Variants in DCC observed in about 807,000 individuals in gnomAD.
DCC encodes netrin receptor DCC.
In DCC, 58 loss-of-function variants were observed where a neutral mutation model predicts 172.5. That is an observed-to-expected ratio of 0.34 (90% CI 0.27 to 0.42). DCC has a LOEUF of 0.42. Ranked by LOEUF, DCC falls within the 10% of genes least tolerant of loss-of-function variation. The pLI, the probability that DCC is intolerant of heterozygous loss-of-function variation, is 1.00. For synonymous variants in DCC, 709 were observed against 644.5 expected, an observed-to-expected ratio of 1.10 and a Z score of -1.52; for missense variants, 1,740 against 1,791.0, an observed-to-expected ratio of 0.97 and a Z score of 0.51.
chr18:52,462,613 C>G (rs1988666863), intron 1 of DCC, among the ~76,000 whole-genome samples: 1 of 152,172 alleles, frequency 6.6e-6, no homozygotes, highest in African/African-American at 2.4e-5. Context: ...CTACAATCCT[C>G]TCCCAGATAC....
intron 2 of DCC, among the ~76,000 whole-genome samples, chr18:52,778,834 T>G (rs1392659868): frequency 6.6e-6 from 1 of 152,230 alleles, no homozygotes; most frequent in African/African-American, 2.4e-5. Flanking sequence ...CAAATACACA[T>G]GGGCATTGTA....
chr18:52,958,499 G>A (rs2145563187), intron 5 of DCC, among the ~76,000 whole-genome samples: 1 of 152,094 alleles, frequency 6.6e-6, no homozygotes, highest in Middle Eastern at 3.4e-3. Context: ...AATTTTCAAG[G>A]GTGGTTAAGA....
chr18:53,519,804 C>G (rs1351289824), intron 27 of DCC, among the ~76,000 whole-genome samples: 2 of 152,116 alleles, frequency 1.3e-5, no homozygotes, highest in African/African-American at 4.8e-5. Flanking sequence ...CAATCTAGAT[C>G]TACCAACATA....
intron 2 of DCC, among the ~76,000 whole-genome samples, chr18:52,838,962 A>T (rs1006855659): frequency 6.6e-6 from 1 of 152,228 alleles, no homozygotes; most frequent in African/African-American, 2.4e-5. Context: ...GCTTGAGTAA[A>T]GATGGAAATC....
intron 23 of DCC, among the ~76,000 whole-genome samples, chr18:53,456,851 G>T (rs1180004717): frequency 2.0e-5 from 3 of 152,202 alleles, no homozygotes; most frequent in Non-Finnish European, 2.9e-5. Context: ...CAGAAGGTCA[G>T]GGTGACACCT....
Position 52,611,207 on chromosome 18 carries a change from T to A in DCC, c.92-140847T>A, listed in dbSNP as rs1011019374. On this transcript the variant is annotated intron_variant, in intron 1 of 28. Transcript: ENST00000442544. The stretch of plus-strand genomic sequence containing the variant: ...CTGATTTCAGCTCACAGGGTGTCTT[T>A]CCCAGGTGTGTGCCTATACCCCGCA... 2.0e-5 allele frequency among the ~76,000 whole-genome samples: 3 copies of A among 152,162 alleles called. No individual in the cohort carries two copies. In the East Asian group the frequency reaches 5.8e-4, roughly 29 times the overall value.
chr18:52,807,881 ATC>A (rs145466636), intron 2 of DCC, among the ~76,000 whole-genome samples: 6,778 of 152,214 alleles, frequency 0.045, 248 homozygotes, highest in South Asian at 0.17. Context: ...TCATCTCTCA[ATC>A]TCTCCTGGAT....
chr18:52,497,314 T>TATATATATATAC lies in DCC; in HGVS notation c.91+156437_91+156438insTATATATATACA, dbSNP rs1281625390. 1.0e-3 allele frequency among the ~76,000 whole-genome samples: 77 copies of TATATATATATAC among 73,946 alleles called. 3 individuals carry two copies. Among genetic ancestry groups the TATATATATATAC allele is most frequent in the African/African-American group, 3.7e-3 (73 of 19,760 alleles). The allele number at this position is 73,946 out of a possible 152,430, so 48.5% of individuals were successfully genotyped here. On this transcript the variant is annotated intron_variant, in intron 1 of 28. Coordinates refer to ENST00000442544, the MANE Select transcript of DCC (RefSeq NM_005215.4). ...ATATATATATATATATATATATATA[T>TATATATATATAC]ACACACACACATATATATACACACG... is the stretch of plus-strand genomic sequence containing the variant.
At chr18:53,176,155 T>A (rs1388075285) in intron 8 of DCC, among the ~76,000 whole-genome samples, 1 of 132,074 alleles carries the variant, frequency 7.6e-6, no homozygotes, top group East Asian at 2.1e-4. Flanking sequence ...ATCCCTTCCT[T>A]ACACCTTATA....
intron 1 of DCC, among the ~76,000 whole-genome samples, chr18:52,395,260 A>G (rs943347336): frequency 5.9e-5 from 9 of 152,074 alleles, no homozygotes; most frequent in African/African-American, 2.2e-4. Flanking sequence ...CTAGGAAAGG[A>G]GGTGTTTATT....
chr18:53,436,879 G>T (rs1460568065), intron 22 of DCC, among the ~76,000 whole-genome samples: 1 of 152,106 alleles, frequency 6.6e-6, no homozygotes, highest in East Asian at 1.9e-4. Context: ...TCTGCTGAGG[G>T]CTCATTCTCT....
intron 2 of DCC, among the ~76,000 whole-genome samples, chr18:52,817,372 ACT>A (rs1381292504): frequency 2.0e-5 from 3 of 151,956 alleles, no homozygotes; most frequent in Non-Finnish European, 4.4e-5. Flanking sequence ...ATACTCACAA[ACT>A]CTGAGAATAT....
chr18:52,657,263 A>G (rs1457533570), intron 1 of DCC, among the ~76,000 whole-genome samples: 1 of 152,156 alleles, frequency 6.6e-6, no homozygotes, highest in Non-Finnish European at 1.5e-5. Context: ...GAATGCTCCA[A>G]TTGGCTGCAT....
chr18:52,340,905 T>C (rs2144216145), intron 1 of DCC, 27 bp downstream of exon 1: 1 of 1,525,596 alleles, frequency 6.6e-7, no homozygotes, highest in Admixed American at 1.7e-5. Context: ...TTTCTTCTCG[T>C]CGCACCCCCT....
chr18:53,093,616 C>G (rs1464306124), intron 7 of DCC, among the ~76,000 whole-genome samples: 3 of 152,164 alleles, frequency 2.0e-5, no homozygotes, highest in Admixed American at 2.0e-4. Flanking sequence ...TAGATTCTGA[C>G]CTTCCATAAT....
intron 1 of DCC, among the ~76,000 whole-genome samples, chr18:52,640,753 T>G (rs1209917725): frequency 6.6e-6 from 1 of 152,138 alleles, no homozygotes; most frequent in Admixed American, 6.5e-5. Context: ...TGTTCATGGA[T>G]GGGTAGAATC....
chr18:52,880,050 G>C (rs1244912647), intron 2 of DCC, among the ~76,000 whole-genome samples: 1 of 151,858 alleles, frequency 6.6e-6, no homozygotes, highest in Non-Finnish European at 1.5e-5. Context: ...CATATTTTTA[G>C]TTATTTTTAA....
At chr18:52,711,130 A>T (rs1386835081) in intron 1 of DCC, among the ~76,000 whole-genome samples, 6 of 152,166 alleles carry the variant, frequency 3.9e-5, no homozygotes, top group African/African-American at 1.4e-4. Context: ...CTTTTCCATG[A>T]TGGTTACTAT....
At position 52,646,399 on chromosome 18, in the gene DCC, T is replaced by C. The variant is rs555938005; in HGVS notation, c.92-105655T>C. Among the ~76,000 whole-genome samples, 21 of 152,306 alleles carry C rather than the reference T, an allele frequency of 1.4e-4. 1 individual carries two copies. The highest frequency in any genetic ancestry group is 8.3e-4 in the South Asian group (4 of 4,826). ...TTCTCCAATTCTCTGTGGACACCAGTTGGGCATCCCACAATTCAATTCAAT... is the reference window on the plus strand; with the variant it reads ...TTCTCCAATTCTCTGTGGACACCAGCTGGGCATCCCACAATTCAATTCAAT... On this transcript the variant is annotated intron_variant, in intron 1 of 28. Coordinates refer to ENST00000442544, the MANE Select transcript of DCC (RefSeq NM_005215.4).
Sources: allele counts gnomAD v4.1 joint callset (sites outside exome capture counted in the v4.1 genomes callset), GRCh38; gene constraint gnomAD v4.1.1; transcripts MANE v1.5; gene names NCBI Gene and HGNC (gene_info 2026-07-23, HGNC 2026-07-21).